Variants in ZNF516 observed in about 807,000 individuals in gnomAD.
ZNF516 encodes zinc finger protein 516.
In ZNF516, 19 loss-of-function variants were observed where a neutral mutation model predicts 79.7. The observed-to-expected ratio is 0.24, with a 90% confidence interval of 0.17 to 0.35. The LOEUF (loss-of-function observed/expected upper bound fraction) is 0.35. ZNF516 is among the 10% of genes least tolerant of loss of function. The pLI, the probability that ZNF516 is intolerant of heterozygous loss-of-function variation, is 1.00. For synonymous variants in ZNF516, 877 were observed against 739.5 expected, an observed-to-expected ratio of 1.19 and a Z score of -3.02; for missense variants, 1,678 against 1,679.5, an observed-to-expected ratio of 1.00 and a Z score of 0.02.
At chr18:76,421,735 CTA>C (rs1479266506) in intron 3 of ZNF516, among the ~76,000 whole-genome samples, 1 of 152,208 alleles carries the variant, frequency 6.6e-6, no homozygotes, top group African/African-American at 2.4e-5. Flanking sequence ...TAAGTATCAC[CTA>C]TGTTTTGCCA....
At chr18:76,446,827 G>T (rs1332299169) in intron 2 of ZNF516, among the ~76,000 whole-genome samples, 2 of 152,186 alleles carry the variant, frequency 1.3e-5, no homozygotes, top group East Asian at 3.8e-4. Flanking sequence ...AAATCCCTGT[G>T]AGAACTGCAC....
chr18:76,378,699 A>C (rs1477580488), intron 4 of ZNF516, among the ~76,000 whole-genome samples, 156 bp downstream of exon 4: 1 of 152,214 alleles, frequency 6.6e-6, no homozygotes, highest in African/African-American at 2.4e-5. Context: ...CTCCTCGGCC[A>C]GGGCAAGGGA....
At chr18:76,455,090 A>G (rs1161285520) in intron 2 of ZNF516, among the ~76,000 whole-genome samples, 1 of 152,164 alleles carries the variant, frequency 6.6e-6, no homozygotes, top group African/African-American at 2.4e-5. Context: ...AAACTGTCAC[A>G]CTTTAATGGG....
At chr18:76,377,491 A>G (rs2074806821) in intron 4 of ZNF516, among the ~76,000 whole-genome samples, 1 of 152,228 alleles carries the variant, frequency 6.6e-6, no homozygotes, top group South Asian at 2.1e-4. Context: ...CAGGCCATGG[A>G]TCTAGGCAGG....
Position 76,385,101 on chromosome 18 carries a change from G to A in ZNF516, c.1811-4798C>T, listed in dbSNP as rs888246133. Among the ~76,000 whole-genome samples, 14 of 152,216 alleles carry A rather than the reference G, an allele frequency of 9.2e-5. No homozygotes were observed. In the East Asian group the frequency reaches 1.4e-3, roughly 15 times the overall value. On this transcript the variant is annotated intron_variant, in intron 3 of 6. Coordinates refer to ENST00000443185, the MANE Select transcript of ZNF516 (RefSeq NM_014643.4). ...AGCAGCCCTAGAGAAGGCGCACGTC[G>A]CTCCCAACCCCACGAGTGTGCACAC...
chr18:76,442,471 T>C lies in ZNF516; in HGVS notation c.584A>G (p.Gln195Arg), dbSNP rs1361655676. Residue 195 changes from glutamine (Q) to arginine (R), a missense_variant, in exon 3 of 7, where the codon CAG (glutamine) becomes CGG (arginine). Gln to Arg is a conservative substitution (Grantham distance 43). This residue lies in a region of ZNF516 where 279 missense variants were observed against 254.1 expected (regional missense o/e 1.10). Transcript: ENST00000443185. ...CCTGCACTTGAACGGCTTGTGCGCC[T>C]GGTGCACGTGCAGCTCCAGGTCCTT... is the stretch of plus-strand genomic sequence containing the variant. The part of the protein sequence containing the change: ...RKKDLELHVH[Q>R]AHKPFKCRLC... 6.2e-7 allele frequency: 1 copy of C among 1,604,376 alleles called. No homozygotes were observed. The highest frequency in any genetic ancestry group is 2.2e-5 in the East Asian group (1 of 44,862).
rs12970360 is a variant in ZNF516 at position 76,394,839 on chromosome 18, G to C, written c.1811-14536C>G. Among the ~76,000 whole-genome samples the C allele has an allele frequency of 5.0e-3, 209 of 42,016 alleles. 42 individuals carry two copies. Among genetic ancestry groups the C allele is most frequent in the Middle Eastern group, 9.4e-3 (1 of 106 alleles). 27.6% of individuals were successfully genotyped at this position (42,016 alleles called of 152,430 possible). On this transcript the variant is annotated intron_variant, in intron 3 of 6. Transcript: ENST00000443185. ...GGGAAGGCGGGTGGTCAGGTGGGGG[G>C]AGGGCAGGTGGGAAGGCAGGTCAGA...
chr18:76,361,438 T>C lies in ZNF516; in HGVS notation c.*1060A>G, dbSNP rs1301910539. 2 of 152,166 alleles carry C rather than the reference T, an allele frequency of 1.3e-5. No individual in the cohort carries two copies. Among genetic ancestry groups the C allele is most frequent in the African/African-American group, 4.8e-5 (2 of 41,444 alleles). The allele number at this position is 152,166 out of a possible 1,614,324, so 9.4% of individuals were successfully genotyped here. On this transcript the variant is annotated 3_prime_UTR_variant, in exon 7 of 7. Transcript: ENST00000443185. ...CACCCTTTATGAACAAAGTCACTCA[T>C]CCTGTGGAGGTCACCAGGCCCAGGG...
chr18:76,482,488 T>A (rs969520494), intron 1 of ZNF516, among the ~76,000 whole-genome samples: 2 of 152,356 alleles, frequency 1.3e-5, no homozygotes, highest in Admixed American at 1.3e-4. Flanking sequence ...TGGACGTCGG[T>A]ACTTCATGGC....
rs142151344 is a variant in ZNF516, at chr18:76,365,866, T to C, written c.3433-3309A>G. Among the ~76,000 whole-genome samples the C allele has an allele frequency of 7.1e-3, 1,081 of 152,310 alleles. 11 individuals are homozygous for C. The highest frequency in any genetic ancestry group is 0.024 in the African/African-American group (1,017 of 41,550). On this transcript the variant is annotated intron_variant, in intron 6 of 6. Coordinates refer to ENST00000443185, the MANE Select transcript of ZNF516 (RefSeq NM_014643.4). Reference sequence around the variant, plus strand: ...GAGTGAGATGCCTAAAGGGGTGTGCTGTGAGCATCCACAGCCTACGGGAAG... The same window carrying C: ...GAGTGAGATGCCTAAAGGGGTGTGCCGTGAGCATCCACAGCCTACGGGAAG...
chr18:76,441,230 G>A lies in ZNF516; in HGVS notation c.1810+15C>T. ...GGGATCCCAGGACCCAGGCCACCTG[G>A]GTACACTTGCTCACCTGGTGCAGGT... On this transcript the variant is annotated intron_variant, in intron 3 of 6. Transcript: ENST00000443185. 1 of 1,605,986 alleles carries A rather than the reference G, an allele frequency of 6.2e-7. No individual in the cohort carries two copies. Among genetic ancestry groups the A allele is most frequent in the Non-Finnish European group, 8.5e-7 (1 of 1,177,258 alleles).
At chr18:76,422,288 G>A (rs967272382) in intron 3 of ZNF516, among the ~76,000 whole-genome samples, 4 of 152,216 alleles carry the variant, frequency 2.6e-5, no homozygotes, top group Admixed American at 1.3e-4. Context: ...CGGAGAGCGG[G>A]CCGGTCCCTC....
chr18:76,373,364 G>T (rs1449972621), intron 4 of ZNF516, among the ~76,000 whole-genome samples: 5 of 151,820 alleles, frequency 3.3e-5, no homozygotes, highest in African/African-American at 2.4e-5. Flanking sequence ...AGAAAGAAAA[G>T]AGATTTTTTA....
At chr18:76,465,936 G>A (rs995706953) in intron 1 of ZNF516, among the ~76,000 whole-genome samples, 2 of 152,174 alleles carry the variant, frequency 1.3e-5, no homozygotes, top group Admixed American at 6.5e-5. Flanking sequence ...CAGCAAAGGC[G>A]AAATCCCAGG....
chr18:76,473,531 G>T (rs1384154782), intron 1 of ZNF516, among the ~76,000 whole-genome samples: 2 of 152,134 alleles, frequency 1.3e-5, no homozygotes, highest in Non-Finnish European at 2.9e-5. Flanking sequence ...GCTGGGTGCG[G>T]TGGCTCACGC....
At chr18:76,420,094 G>C (rs1255060444) in intron 3 of ZNF516, among the ~76,000 whole-genome samples, 1 of 152,230 alleles carries the variant, frequency 6.6e-6, no homozygotes, top group Non-Finnish European at 1.5e-5. Context: ...TGTTTAGTAG[G>C]CATTTAATAC....
intron 1 of ZNF516, chr18:76,491,077 G>A: frequency 1.0e-6 from 1 of 985,354 alleles, no homozygotes; most frequent in South Asian, 4.7e-5. Flanking sequence ...GAACACTTAT[G>A]TAATCGTCCT....
intron 1 of ZNF516, chr18:76,492,133 C>A (rs1469064085): frequency 2.0e-6 from 2 of 984,642 alleles, no homozygotes; most frequent in African/African-American, 3.5e-5. Flanking sequence ...GCACGTGGGT[C>A]CTTAACCTCT....
At chr18:76,371,343 C>A in intron 5 of ZNF516, 124 bp downstream of exon 5, 1 of 968,102 alleles carries the variant, frequency 1.0e-6, no homozygotes, top group Non-Finnish European at 1.5e-6. Flanking sequence ...AGATGGCAGG[C>A]CCCCCGCCGC....
Sources: gnomAD v4.1 joint callset for allele counts (sites outside exome capture counted in the v4.1 genomes callset) on GRCh38, gnomAD v4.1.1 for gene constraint, gnomAD v4.1.1 regional missense constraint, MANE v1.5 for transcripts, NCBI Gene and HGNC (gene_info 2026-07-23, HGNC 2026-07-21) for gene names.